ARID2: variants seen among roughly 807,000 people sequenced by gnomAD.
The protein encoded by ARID2 is AT-rich interaction domain 2.
Under a neutral mutation model 184.6 loss-of-function variants are expected in ARID2, and 32 were observed. The observed-to-expected ratio is 0.17, with a 90% confidence interval of 0.13 to 0.23. ARID2 has a LOEUF of 0.23. Ranked by LOEUF, ARID2 falls within the 10% of genes least tolerant of loss-of-function variation. The pLI is 1.00. For synonymous variants in ARID2, 836 were observed against 772.6 expected, an observed-to-expected ratio of 1.08 and a Z score of -1.36; for missense variants, 1,696 against 2,197.6, an observed-to-expected ratio of 0.77 and a Z score of 4.56.
At chr12:45,822,745 A>G (rs1312447049) in intron 6 of ARID2, among the ~76,000 whole-genome samples, 1 of 152,198 alleles carries the variant, frequency 6.6e-6, no homozygotes, top group African/African-American at 2.4e-5. Context: ...AGGTAATTAT[A>G]TAATGAAACA....
At chr12:45,730,378 C>T (rs1378635452) in intron 2 of ARID2, among the ~76,000 whole-genome samples, 2 of 144,630 alleles carry the variant, frequency 1.4e-5, no homozygotes, top group Non-Finnish European at 1.5e-5. Flanking sequence ...GGCTCGCGCC[C>T]TGCCCGGTGC....
chr12:45,736,587 G>C (rs1565576809), intron 3 of ARID2, among the ~76,000 whole-genome samples: 1 of 152,134 alleles, frequency 6.6e-6, no homozygotes, highest in South Asian at 2.1e-4. Flanking sequence ...AATGGATTTT[G>C]TCTGAATTGG....
rs719962 is a variant in ARID2 at position 45,786,536 on chromosome 12, T to G, written c.285-24882T>G. 1.5e-4 allele frequency among the ~76,000 whole-genome samples: 23 copies of G among 152,304 alleles called. No homozygotes were observed. The East Asian group carries it at 3.7e-3, about 24-fold the overall frequency. ...AGTAGTTGTGTAAGGAAAGGACCTC[T>G]TTTGAAAGGGAGAAATTAGTATAGT... On this transcript the variant is annotated intron_variant, in intron 3 of 20. Coordinates refer to ENST00000334344, the MANE Select transcript of ARID2 (RefSeq NM_152641.4).
intron 15 of ARID2, among the ~76,000 whole-genome samples, chr12:45,853,488 C>T (rs910895407): frequency 6.6e-6 from 1 of 152,100 alleles, no homozygotes; most frequent in African/African-American, 2.4e-5. Flanking sequence ...CTGTCCTATT[C>T]CTGCTATTCC....
intron 3 of ARID2, among the ~76,000 whole-genome samples, chr12:45,746,860 G>A (rs1322210725): frequency 6.6e-6 from 1 of 152,020 alleles, no homozygotes; most frequent in Non-Finnish European, 1.5e-5. Context: ...TCCGCCTTCC[G>A]GGTTCACGCC....
At chr12:45,747,244 A>G (rs1941377565) in intron 3 of ARID2, among the ~76,000 whole-genome samples, 1 of 152,260 alleles carries the variant, frequency 6.6e-6, no homozygotes, top group African/African-American at 2.4e-5. Context: ...AAAATTCTTT[A>G]ATGTATCTTT....
chr12:45,808,958 G>A (rs1035826266), intron 3 of ARID2, among the ~76,000 whole-genome samples: 1 of 152,166 alleles, frequency 6.6e-6, no homozygotes, highest in Non-Finnish European at 1.5e-5. Context: ...TAGAGATGGC[G>A]TTTTGCTGTG....
chr12:45,869,200 A>C (rs1943878439), intron 16 of ARID2, among the ~76,000 whole-genome samples: 1 of 151,980 alleles, frequency 6.6e-6, no homozygotes. Context: ...TATTTTTAGT[A>C]GGGACAGGGT....
chr12:45,797,111 A>T (rs944652141), intron 3 of ARID2, among the ~76,000 whole-genome samples: 1 of 152,244 alleles, frequency 6.6e-6, no homozygotes. Flanking sequence ...AATCCTTTTT[A>T]TAATGATTTA....
intron 20 of ARID2, 192 bp downstream of exon 20, chr12:45,893,913 C>A: frequency 2.3e-6 from 1 of 436,170 alleles, no homozygotes. Context: ...GTTAAAACAA[C>A]CAAAAGGTGG....
chr12:45,826,009 T>C (rs545505068), intron 6 of ARID2, among the ~76,000 whole-genome samples: 8 of 152,188 alleles, frequency 5.3e-5, no homozygotes, highest in Non-Finnish European at 1.0e-4. Context: ...GGCATTTTTC[T>C]TTTATAATGG....
chr12:45,753,634 G>T (rs971415739), intron 3 of ARID2, among the ~76,000 whole-genome samples: 1 of 151,906 alleles, frequency 6.6e-6, no homozygotes, highest in South Asian at 2.1e-4. Flanking sequence ...ACAAGGTCTC[G>T]CTCTGTCGCC....
chr12:45,767,221 C>G (rs1021030328), intron 3 of ARID2, among the ~76,000 whole-genome samples: 1 of 152,056 alleles, frequency 6.6e-6, no homozygotes, highest in African/African-American at 2.4e-5. Flanking sequence ...GTCTTTTGTG[C>G]ACCTTTGAAA....
chr12:45,881,638 TCC>T (rs1944105764), intron 16 of ARID2: 1 of 161,436 alleles, frequency 6.2e-6, no homozygotes, highest in African/African-American at 2.4e-5. Flanking sequence ...TTGTCTCCCT[TCC>T]GGTGGATTTT....
chr12:45,754,424 G>A (rs1010797501), intron 3 of ARID2, among the ~76,000 whole-genome samples: 4 of 152,118 alleles, frequency 2.6e-5, no homozygotes, highest in Non-Finnish European at 2.9e-5. Flanking sequence ...GTCAGTACAC[G>A]TTGGTAGAAT....
At chr12:45,810,282 G>A (rs1942681135) in intron 3 of ARID2, among the ~76,000 whole-genome samples, 1 of 152,058 alleles carries the variant, frequency 6.6e-6, no homozygotes, top group South Asian at 2.1e-4. Context: ...TAGATGATGA[G>A]GTATTATGAA....
chr12:45,869,061 C>G (rs960492806), intron 16 of ARID2, among the ~76,000 whole-genome samples: 1 of 151,844 alleles, frequency 6.6e-6, no homozygotes, highest in Non-Finnish European at 1.5e-5. Context: ...GCTGTGTCAC[C>G]CAGGCTGGAG....
At chr12:45,817,128 GGA>G (rs779525563) in intron 4 of ARID2, among the ~76,000 whole-genome samples, 34 of 152,160 alleles carry the variant, frequency 2.2e-4, no homozygotes, top group Non-Finnish European at 1.3e-4. Flanking sequence ...GGCCGCAGCC[GGA>G]GAATTGCATA....
chr12:45,886,673 G>C (rs7969974), intron 16 of ARID2, among the ~76,000 whole-genome samples: 160 of 152,302 alleles, frequency 1.1e-3, no homozygotes, highest in African/African-American at 3.7e-3. Context: ...CTGAAATCTA[G>C]GTGGAGGTTC....
Sources: gnomAD v4.1 joint callset for allele counts (sites outside exome capture counted in the v4.1 genomes callset) on GRCh38, gnomAD v4.1.1 for gene constraint, MANE v1.5 for transcripts, NCBI Gene and HGNC (gene_info 2026-07-23, HGNC 2026-07-21) for gene names.